Variants in F10 observed in about 807,000 individuals in gnomAD.
F10 encodes the protein coagulation factor X.
Under a neutral mutation model 37.1 loss-of-function variants are expected in F10, and 29 were observed. The ratio of observed to expected loss-of-function variants is 0.78; its 90% CI spans 0.58 to 1.07. The LOEUF is 1.07. Among genes scored for constraint, F10 ranks in the 50% least tolerant of loss-of-function variants. The probability of loss-of-function intolerance (pLI) is 0.00; values close to 1 mark genes in which losing one functional copy is unlikely to be tolerated. For missense variants in F10, 539 were observed against 667.9 expected (o/e 0.81, Z 2.13); for synonymous variants, 262 against 268.6 (o/e 0.98, Z 0.24).
chr13:113,129,281 G>A (rs1185138771), intron 1 of F10, among the ~76,000 whole-genome samples, 171 bp from the exon 2 acceptor site: 3 of 152,306 alleles, frequency 2.0e-5, no homozygotes, highest in East Asian at 1.9e-4. Flanking sequence ...CAGAGAGGAC[G>A]GGTCCACTCA....
chr13:113,129,617 G>C lies in F10; in HGVS notation c.231+5G>C. ...TTTGAGGACAGCGACAAGACGGTAA[G>C]GGCTGGGGATAGCCTGGCTGTTGGT... is the stretch of plus-strand genomic sequence containing the variant. On this transcript the variant is annotated splice_donor_5th_base_variant and intron_variant, in intron 2 of 7. Transcript: ENST00000375559. The C allele has an allele frequency of 6.2e-7, 1 of 1,614,084 alleles. No homozygotes were observed. The highest frequency in any genetic ancestry group is 8.5e-7 in the Non-Finnish European group (1 of 1,180,000).
chr13:113,139,359 G>A lies in F10; in HGVS notation c.259G>A (p.Gly87Ser), dbSNP rs750969346. The A allele has an allele frequency of 1.9e-6, 3 of 1,613,562 alleles. No homozygotes were observed. The African/African-American group carries it at 4.0e-5, about 22-fold the overall frequency. The change falls in exon 4 of 8, where the codon GGC (glycine) becomes AGC (serine). Residue 87 changes from glycine (G) to serine (S), a missense_variant and splice_region_variant. Around this residue, in one of 2 missense-constraint regions of F10, gnomAD observed 130 missense variants for 120.0 expected, o/e 1.08. Coordinates refer to ENST00000375559, the MANE Select transcript of F10 (RefSeq NM_000504.4). This position sits in a 1 kb window ranked among gnomAD's most constrained non-coding sequence, Gnocchi z 5.2. ...GTTTCGAAATCCTCTCTTTGCAGAT[G>A]GCGACCAGTGTGAGACCAGTCCTTG... ...TNEFWNKYKDGDQCETSPCQN... is the reference protein window; with the variant it reads ...TNEFWNKYKDSDQCETSPCQN...
In F10 at chr13:113,143,127, G is replaced by C. The variant is rs957431501; in HGVS notation, c.503-724G>C. Among the ~76,000 whole-genome samples, 1 of 151,970 alleles carries C rather than the reference G, an allele frequency of 6.6e-6. No individual in the cohort carries two copies. Among genetic ancestry groups the C allele is most frequent in the Non-Finnish European group, 1.5e-5 (1 of 67,992 alleles). ...GCTGTGCCCATCTGACCCCAGACAC[G>C]TGTGGCCACAGAGAAGCCCCTTGCC... On this transcript the variant is annotated intron_variant, in intron 5 of 7. Transcript: ENST00000375559. The surrounding 1 kb of genome is among the most constrained non-coding windows in gnomAD (Gnocchi z 6.8).
chr13:113,137,983 A>G (rs772760498), intron 2 of F10, among the ~76,000 whole-genome samples: 2 of 152,214 alleles, frequency 1.3e-5, no homozygotes, highest in Non-Finnish European at 2.9e-5. Flanking sequence ...GAGTTAAAAA[A>G]CAATAAGCCT....
At chr13:113,129,751 G>C in intron 2 of F10, 139 bp downstream of exon 2, 1 of 1,100,734 alleles carries the variant, frequency 9.1e-7, no homozygotes, top group Non-Finnish European at 1.3e-6. Flanking sequence ...GCGGGGCCCA[G>C]CAAATCGAGG....
Position 113,143,858 on chromosome 13 carries a change from C to T in F10, c.510C>T (p.Tyr170=), listed in dbSNP as rs779230996. The T allele has an allele frequency of 9.3e-6, 15 of 1,612,606 alleles. No homozygotes were observed. The highest frequency in any genetic ancestry group is 1.2e-5 in the Non-Finnish European group (14 of 1,180,006). The change falls in exon 6 of 8, where the codon TAC becomes TAT. Residue 170 remains tyrosine (Y), a synonymous_variant. Transcript: ENST00000375559. The surrounding 1 kb of genome is among the most constrained non-coding windows in gnomAD (Gnocchi z 6.8). ...CCGTCCTCTTTCTTTCAGGGCCCTA[C>T]CCCTGTGGGAAACAGACCCTGGAAC... is the stretch of plus-strand genomic sequence containing the variant. ...NGKACIPTGP[Y]PCGKQTLERR...
In F10 at chr13:113,144,753, G is replaced by A. The variant is rs922422517; in HGVS notation, c.747+658G>A. On this transcript the variant is annotated intron_variant, in intron 6 of 7. Transcript: ENST00000375559. The surrounding 1 kb of genome is among the most constrained non-coding windows in gnomAD (Gnocchi z 6.4). Reference sequence around the variant, plus strand: ...TTAAGAGACAGTACCTTGCTCTGTTGCCCAGGCTGGAGTGCAGTGTCGCGA... The same window carrying A: ...TTAAGAGACAGTACCTTGCTCTGTTACCCAGGCTGGAGTGCAGTGTCGCGA... Among the ~76,000 whole-genome samples, 36 of 152,274 alleles carry A rather than the reference G, an allele frequency of 2.4e-4. No homozygotes were observed. The highest frequency in any genetic ancestry group is 4.0e-4 in the Non-Finnish European group (27 of 68,024).
At chr13:113,148,350 A>ATATATATATATATGTATATATATATGTG (rs1566922275) in intron 7 of F10, among the ~76,000 whole-genome samples, 14 of 109,322 alleles carry the variant, frequency 1.3e-4, no homozygotes, top group African/African-American at 3.8e-4. Flanking sequence ...AAAAAAATAT[A>ATATATATATATATGTATATATATATGTG]TATATATATA....
rs2036549236 is a variant in F10, at chr13:113,143,251, T to A, written c.503-600T>A. On this transcript the variant is annotated intron_variant, in intron 5 of 7. Coordinates refer to ENST00000375559, the MANE Select transcript of F10 (RefSeq NM_000504.4). This position sits in a 1 kb window ranked among gnomAD's most constrained non-coding sequence, Gnocchi z 6.8. ...TTGGCCTTGGTGCCCTAATTGGCCG[T>A]TATACAAAAGGAAGCTTCCTAACAT... Among the ~76,000 whole-genome samples, 1 of 151,712 alleles carries A rather than the reference T, an allele frequency of 6.6e-6. No homozygotes were observed. Among genetic ancestry groups the A allele is most frequent in the African/African-American group, 2.4e-5 (1 of 41,322 alleles).
chr13:113,124,291 G>C (rs1265468010), intron 1 of F10, among the ~76,000 whole-genome samples: 2 of 152,230 alleles, frequency 1.3e-5, no homozygotes, highest in Non-Finnish European at 2.9e-5. Context: ...ACCCACAGGA[G>C]GAAACTAGGG....
rs151106005 is a variant in F10 at position 113,139,397 on chromosome 13, C to A, written c.297C>A (p.Gly99=). The change falls in exon 4 of 8, where the codon GGC becomes GGA. Residue 99 remains glycine (G), a synonymous_variant. Transcript: ENST00000375559. The surrounding 1 kb of genome is among the most constrained non-coding windows in gnomAD (Gnocchi z 5.2). ...QCETSPCQNQ[G]KCKDGLGEYT... is the part of the protein sequence containing the mutation. ...AGACCAGTCCTTGCCAGAACCAGGG[C>A]AAATGTAAAGACGGCCTCGGGGAAT... is the stretch of plus-strand genomic sequence containing the variant. The A allele has an allele frequency of 6.2e-7, 1 of 1,613,878 alleles. No homozygotes were observed. The highest frequency in any genetic ancestry group is 1.1e-5 in the South Asian group (1 of 91,074).
At chr13:113,124,844 GC>G (rs765259372) in intron 1 of F10, among the ~76,000 whole-genome samples, 1 of 152,250 alleles carries the variant, frequency 6.6e-6, no homozygotes, top group South Asian at 2.1e-4. Flanking sequence ...CGTCAGCGGG[GC>G]TGGTTCCTCC....
rs747696434 is a variant in F10, at chr13:113,129,641, G to A, written c.231+29G>A. ...AGGGCTGGGGATAGCCTGGCTGTTG[G>A]TAAGGAGCTCAGGCCACAGCGCCCT... On this transcript the variant is annotated intron_variant, in intron 2 of 7. Coordinates refer to ENST00000375559, the MANE Select transcript of F10 (RefSeq NM_000504.4). The A allele has an allele frequency of 3.1e-6, 5 of 1,613,472 alleles. No individual in the cohort carries two copies. The African/African-American group carries it at 5.3e-5, about 17-fold the overall frequency.
At chr13:113,138,505 C>A in intron 3 of F10, 24 bp downstream of exon 3, 1 of 1,372,004 alleles carries the variant, frequency 7.3e-7, no homozygotes, top group Non-Finnish European at 1.0e-6. Context: ...CTGTTTTAAC[C>A]TTCAGTGAGA....
In F10 at chr13:113,141,574, T is replaced by G. The variant is rs2036527993; in HGVS notation, c.502+524T>G. ...CGTAGTTTTTCTTTTCCTTGATGAA[T>G]GTGGACAACAGGCGGCCAGAGGGCA... On this transcript the variant is annotated intron_variant, in intron 5 of 7. Transcript: ENST00000375559. The surrounding 1 kb of genome is among the most constrained non-coding windows in gnomAD (Gnocchi z 5.4). 6.6e-6 allele frequency among the ~76,000 whole-genome samples: 1 copy of G among 152,118 alleles called. No homozygotes were observed. The highest frequency in any genetic ancestry group is 1.5e-5 in the Non-Finnish European group (1 of 68,006).
chr13:113,141,198 C>T lies in F10; in HGVS notation c.502+148C>T. ...CAAGAGGACAGGACTGAGCCCTGGG[C>T]TCCGGGCCCAGGTGGTTCAAACATG... On this transcript the variant is annotated intron_variant, in intron 5 of 7. Transcript: ENST00000375559. The surrounding 1 kb of genome is among the most constrained non-coding windows in gnomAD (Gnocchi z 5.4). 1 of 1,163,502 alleles carries T rather than the reference C, an allele frequency of 8.6e-7. No individual in the cohort carries two copies. Among genetic ancestry groups the T allele is most frequent in the South Asian group, 1.4e-5 (1 of 73,114 alleles). 72.1% of individuals were successfully genotyped at this position (1,163,502 alleles called of 1,614,324 possible). A position where few individuals can be genotyped will look rare whatever the true frequency, so the allele number is the denominator to read the frequency against.
At chr13:113,145,514 G>T (rs1412513844) in intron 6 of F10, among the ~76,000 whole-genome samples, 1 of 151,584 alleles carries the variant, frequency 6.6e-6, no homozygotes, top group African/African-American at 2.4e-5. Flanking sequence ...AGTATCGCAT[G>T]AAGCATACAT....
At position 113,147,240 on chromosome 13, in the gene F10, C is replaced by G. The variant is rs1407965453; in HGVS notation, c.748-139C>G. ...GAAAAGAGACAGACAAGGAACTGTC[C>G]TTGGGTGGATGGCAGGAGACCGAAG... On this transcript the variant is annotated intron_variant, in intron 6 of 7. Transcript: ENST00000375559. The G allele has an allele frequency of 4.2e-6, 3 of 706,342 alleles. No homozygotes were observed. In the African/African-American group the frequency reaches 5.2e-5, roughly 12 times the overall value. 43.8% of individuals were successfully genotyped at this position (706,342 alleles called of 1,614,324 possible). A position where few individuals can be genotyped will look rare whatever the true frequency, so the allele number is the denominator to read the frequency against.
chr13:113,140,952 A>T lies in F10; in HGVS notation c.404A>T (p.Asp135Val). 6.2e-7 allele frequency: 1 copy of T among 1,614,066 alleles called. No individual in the cohort carries two copies. ...TRKLCSLDNG[D>V]CDQFCHEEQN... ...AAGCTCTGCAGCCTGGACAACGGGG[A>T]CTGTGACCAGTTCTGCCACGAGGAA... The change falls in exon 5 of 8, where the codon GAC becomes GTC. Residue 135 changes from aspartate (D) to valine (V), a missense_variant. This residue lies in a region of F10 where 409 missense variants were observed against 547.9 expected (regional missense o/e 0.75). Coordinates refer to ENST00000375559, the MANE Select transcript of F10 (RefSeq NM_000504.4).
Sources: allele counts gnomAD v4.1 joint callset (sites outside exome capture counted in the v4.1 genomes callset), GRCh38; gene constraint gnomAD v4.1.1; regional missense constraint gnomAD v4.1.1; non-coding constraint Gnocchi (gnomAD v3.1); transcripts MANE v1.5; gene names NCBI Gene and HGNC (gene_info 2026-07-23, HGNC 2026-07-21).